The following GFPT2 variants were observed in gnomAD, a reference collection of about 807,000 sequenced individuals.
The protein encoded by GFPT2 is glutamine--fructose-6-phosphate transaminase 2, also known as glutamine--fructose-6-phosphate aminotransferase [isomerizing] 2.
Under a neutral mutation model 85.6 loss-of-function variants are expected in GFPT2, and 62 were observed. The ratio of observed to expected loss-of-function variants is 0.72; its 90% CI spans 0.59 to 0.90. The LOEUF is 0.90. Ranked by LOEUF, GFPT2 falls within the 40% of genes least tolerant of loss-of-function variation. GFPT2 has a pLI of 0.00. For synonymous variants in GFPT2, 368 were observed against 344.5 expected (o/e 1.07, Z -0.75); for missense variants, 788 against 893.4 (o/e 0.88, Z 1.50).
At chr5:180,316,592 C>T in intron 12 of GFPT2, 131 bp from the exon 13 acceptor site, 1 of 1,040,012 alleles carries the variant, frequency 9.6e-7, no homozygotes, top group Non-Finnish European at 1.4e-6. Flanking sequence ...ACTTCGGTCA[C>T]CCACAGGCCA....
intron 9 of GFPT2, 99 bp from the exon 10 acceptor site, chr5:180,319,055 C>A: frequency 9.0e-7 from 1 of 1,105,682 alleles, no homozygotes. Context: ...ACATCGTTGG[C>A]ATTTTAGGAG....
In GFPT2 at chr5:180,316,860, C is replaced by G; in HGVS notation, c.1056G>C (p.Val352=). The change falls in exon 12 of 19, where the codon GTG becomes GTC. Residue 352 remains valine (V), a splice_region_variant and synonymous_variant. Coordinates refer to ENST00000253778, the MANE Select transcript of GFPT2 (RefSeq NM_005110.4). ...AGTGGTCCTTCAAGCCACCCAGGAG[C>G]ACTGCAGGGCACACGACAAGGCGTT... ...RGRVNFETNT[V]LLGGLKDHLK... is the part of the protein sequence containing the mutation. The G allele has an allele frequency of 6.2e-7, 1 of 1,610,614 alleles. No individual in the cohort carries two copies. The highest frequency in any genetic ancestry group is 1.1e-5 in the South Asian group (1 of 91,008).
At chr5:180,320,419 G>A (rs981597209) in intron 9 of GFPT2, among the ~76,000 whole-genome samples, 4 of 152,182 alleles carry the variant, frequency 2.6e-5, no homozygotes, top group Non-Finnish European at 4.4e-5. Flanking sequence ...AAAAAGAAAG[G>A]TGATTAATGG....
At position 180,309,289 on chromosome 5, in the gene GFPT2, G is replaced by A. The variant is rs542456155; in HGVS notation, c.1547-1986C>T. ...TTATCATTGGCAACAAATACCATGG[G>A]TTGCTTCTACTGATGCGTCAGCTGA... On this transcript the variant is annotated intron_variant, in intron 15 of 18. Transcript: ENST00000253778. 5.9e-5 allele frequency among the ~76,000 whole-genome samples: 9 copies of A among 152,302 alleles called. No homozygotes were observed. The South Asian group carries it at 1.0e-3, about 18-fold the overall frequency.
At chr5:180,349,172 T>C (rs1283111700) in intron 1 of GFPT2, among the ~76,000 whole-genome samples, 1 of 151,292 alleles carries the variant, frequency 6.6e-6, no homozygotes, top group Non-Finnish European at 1.5e-5. Flanking sequence ...ACAGGTACAG[T>C]GGCTCATGCC....
At chr5:180,324,963 A>G (rs1334706268) in intron 7 of GFPT2, 68 bp from the exon 8 acceptor site, 1 of 976,488 alleles carries the variant, frequency 1.0e-6, no homozygotes, top group Non-Finnish European at 1.7e-6. Flanking sequence ...TCTGCCCAGC[A>G]TCTGAGGTAG....
In GFPT2 at chr5:180,321,292, T is replaced by C. The variant is rs72811037; in HGVS notation, c.795-2336A>G. 3.1e-3 allele frequency among the ~76,000 whole-genome samples: 467 copies of C among 152,348 alleles called. 4 individuals carry two copies. The highest frequency in any genetic ancestry group is 5.2e-3 in the Non-Finnish European group (354 of 68,032). Reference sequence around the variant, plus strand: ...CATTGTAGCATTAACCAACCAACAATGCATGACGCATGTGTGTTTATATTT... The same window carrying C: ...CATTGTAGCATTAACCAACCAACAACGCATGACGCATGTGTGTTTATATTT... On this transcript the variant is annotated intron_variant, in intron 9 of 18. Coordinates refer to ENST00000253778, the MANE Select transcript of GFPT2 (RefSeq NM_005110.4).
Position 180,318,110 on chromosome 5 carries a change from G to A in GFPT2, c.958+683C>T, listed in dbSNP as rs1764049714. On this transcript the variant is annotated intron_variant, in intron 10 of 18. Transcript: ENST00000253778. The surrounding 1 kb of genome is among the most constrained non-coding windows in gnomAD (Gnocchi z 4.2). ...AGTCTCTGAGGGGGTGACATTTCAA[G>A]GGAGCTGGAGGCAATGAAAAGGAAC... 6.6e-6 allele frequency among the ~76,000 whole-genome samples: 1 copy of A among 152,146 alleles called. No homozygotes were observed. Among genetic ancestry groups the A allele is most frequent in the Non-Finnish European group, 1.5e-5 (1 of 68,030 alleles).
chr5:180,316,806 G>C lies in GFPT2; in HGVS notation c.1110C>G (p.Leu370=). 6.2e-7 allele frequency: 1 copy of C among 1,614,010 alleles called. No homozygotes were observed. The highest frequency in any genetic ancestry group is 1.1e-5 in the South Asian group (1 of 91,066). Reference sequence around the variant, plus strand: ...AGCTGGTTCCACAGCCAATCACGATGAGCCGTCGGCATCGTCGAATCTCCT... The same window carrying C: ...AGCTGGTTCCACAGCCAATCACGATCAGCCGTCGGCATCGTCGAATCTCCT... ...HLKEIRRCRR[L]IVIGCGTSYH... is the part of the protein sequence containing the mutation. Residue 370 remains leucine (L), a synonymous_variant, in exon 12 of 19, where the codon CTC becomes CTG. Transcript: ENST00000253778.
chr5:180,339,300 A>C (rs1764463334), intron 1 of GFPT2, among the ~76,000 whole-genome samples: 1 of 151,104 alleles, frequency 6.6e-6, no homozygotes, highest in African/African-American at 2.4e-5. Context: ...GAATTGCTTG[A>C]ACCAGGGAGC....
At chr5:180,352,537 C>A (rs1313114493) in intron 1 of GFPT2, 1 of 444,604 alleles carries the variant, frequency 2.2e-6, no homozygotes, top group Non-Finnish European at 4.5e-6. Flanking sequence ...ACGCCCGGCC[C>A]CGCTCCCCGC....
rs145241825 is a variant in GFPT2 at position 180,344,380 on chromosome 5, G to C, written c.8-5780C>G. Among the ~76,000 whole-genome samples the C allele has an allele frequency of 4.3e-3, 661 of 152,220 alleles. 5 individuals are homozygous for C. The highest frequency in any genetic ancestry group is 0.015 in the African/African-American group (629 of 41,530). On this transcript the variant is annotated intron_variant, in intron 1 of 18. Coordinates refer to ENST00000253778, the MANE Select transcript of GFPT2 (RefSeq NM_005110.4). ...CATTTCACCGTGTGCCATGGCACATGTGCCCCTATGTGAATTAGGTGGTGA... is the reference window on the plus strand; with the variant it reads ...CATTTCACCGTGTGCCATGGCACATCTGCCCCTATGTGAATTAGGTGGTGA...
At position 180,312,467 on chromosome 5, in the gene GFPT2, C is replaced by T. The variant is rs372866890; in HGVS notation, c.1509G>A (p.Arg503=). 24 of 1,608,930 alleles carry T rather than the reference C, an allele frequency of 1.5e-5. No homozygotes were observed. In the African/African-American group the frequency reaches 2.8e-4, roughly 19 times the overall value. ...MSEDRISLQN[R]RQEIIRGLRS... The stretch of plus-strand genomic sequence containing the variant: ...TCAAGCCACGGATGATCTCTTGCCT[C>T]CTGTTTTGTAGTGAAATTCGGTCTT... The change falls in exon 15 of 19, where the codon AGG becomes AGA. Residue 503 remains arginine (R), a synonymous_variant. Coordinates refer to ENST00000253778, the MANE Select transcript of GFPT2 (RefSeq NM_005110.4).
At chr5:180,331,781 G>A (rs578116726) in intron 4 of GFPT2, 18 of 540,152 alleles carry the variant, frequency 3.3e-5, no homozygotes, top group East Asian at 1.4e-4. Context: ...AATGGGATCC[G>A]GAGGAAATAC....
rs374833634 is a variant in GFPT2, at chr5:180,302,558, C to T, written c.1869G>A (p.Lys623=). ...CAAACTTGGAACTTTCAGTATCGTC[C>T]TTGGAGCACAGTATAATGGGGCGAC... is the stretch of plus-strand genomic sequence containing the variant. ...RQGRPIILCS[K]DDTESSKFAY... The change falls in exon 18 of 19, where the codon AAG becomes AAA. Residue 623 remains lysine, a synonymous_variant. Coordinates refer to ENST00000253778, the MANE Select transcript of GFPT2 (RefSeq NM_005110.4). The T allele has an allele frequency of 1.2e-6, 2 of 1,613,896 alleles. No homozygotes were observed. Among genetic ancestry groups the T allele is most frequent in the Admixed American group, 1.7e-5 (1 of 60,014 alleles).
rs748135971 is a variant in GFPT2, at chr5:180,301,569, C to T, written c.2044G>A (p.Glu682Lys). 2 of 1,612,860 alleles carry T rather than the reference C, an allele frequency of 1.2e-6. No homozygotes were observed. The highest frequency in any genetic ancestry group is 1.7e-6 in the Non-Finnish European group (2 of 1,178,800). The stretch of plus-strand genomic sequence containing the variant: ...GTCTTGTCACGGTCTCAGCCTCATT[C>T]CACAGTTACAGACTTGGCCAGATTT... ...PRNLAKSVTV[E>K] Residue 682 changes from glutamate (E) to lysine (K), a missense_variant, in exon 19 of 19, where the codon GAA becomes AAA. By Grantham distance (56) the Glu-to-Lys change is moderately conservative. Transcript: ENST00000253778.
intron 3 of GFPT2, chr5:180,336,222 A>C: frequency 1.7e-6 from 1 of 579,770 alleles, no homozygotes; most frequent in Admixed American, 3.2e-5. Flanking sequence ...GAGAAGCAGT[A>C]TCATTTGCTG....
chr5:180,331,705 T>C, intron 4 of GFPT2, 152 bp from the exon 5 acceptor site: 1 of 659,796 alleles, frequency 1.5e-6, no homozygotes, highest in East Asian at 2.8e-5. Context: ...AGCACAGATG[T>C]TTACGGCAGC....
At chr5:180,345,464 G>A (rs964302947) in intron 1 of GFPT2, among the ~76,000 whole-genome samples, 1 of 152,254 alleles carries the variant, frequency 6.6e-6, no homozygotes, top group Non-Finnish European at 1.5e-5. Context: ...GCTGGGGTGG[G>A]AGTAGGCAGC....
Sources: allele counts gnomAD v4.1 joint callset (sites outside exome capture counted in the v4.1 genomes callset), GRCh38; gene constraint gnomAD v4.1.1; non-coding constraint Gnocchi (gnomAD v3.1); transcripts MANE v1.5; gene names NCBI Gene and HGNC (gene_info 2026-07-23, HGNC 2026-07-21).